Variants in PDZRN3 observed in about 807,000 individuals in gnomAD.
PDZRN3 encodes PDZ domain containing ring finger 3.
Under a neutral mutation model 85.7 loss-of-function variants are expected in PDZRN3, and 38 were observed. The ratio of observed to expected loss-of-function variants is 0.44; its 90% CI spans 0.34 to 0.58. PDZRN3 has a LOEUF of 0.58. PDZRN3 is among the 20% of genes least tolerant of loss of function. PDZRN3 has a pLI of 0.01. For synonymous variants in PDZRN3, 759 were observed against 638.0 expected (o/e 1.19, Z -2.86); for missense variants, 1,629 against 1,506.4 (o/e 1.08, Z -1.35).
chr3:73,432,698 T>C (rs1702456412), intron 3 of PDZRN3, among the ~76,000 whole-genome samples: 1 of 152,196 alleles, frequency 6.6e-6, no homozygotes, highest in Non-Finnish European at 1.5e-5. Flanking sequence ...CTTTAAAAAA[T>C]ATATTAATAT....
At chr3:73,454,976 AT>A (rs927618371) in intron 3 of PDZRN3, among the ~76,000 whole-genome samples, 15 of 151,998 alleles carry the variant, frequency 9.9e-5, no homozygotes, top group African/African-American at 3.1e-4. Flanking sequence ...ATCTTGACTA[AT>A]TTCTCCTGGA....
intron 7 of PDZRN3, 39 bp from the exon 8 acceptor site, chr3:73,388,108 C>G (rs768986783): frequency 1.0e-6 from 1 of 967,780 alleles, no homozygotes; most frequent in South Asian, 1.5e-5. Flanking sequence ...AGTGGGGAGA[C>G]AAATAGCATG....
chr3:73,423,201 A>G (rs1451500283), intron 3 of PDZRN3, among the ~76,000 whole-genome samples: 1 of 152,238 alleles, frequency 6.6e-6, no homozygotes, highest in Non-Finnish European at 1.5e-5. Flanking sequence ...CTCTGTTTTG[A>G]GACTCCCAAA....
rs1420044369 is a variant in PDZRN3 at position 73,384,005 on chromosome 3, T to C, written c.2561A>G (p.Lys854Arg). Residue 854 changes from lysine (K) to arginine (R), a missense_variant, in exon 10 of 10, where the codon AAG becomes AGG. By Grantham distance (26) the Lys-to-Arg change is conservative (BLOSUM62 2). Transcript: ENST00000263666. The part of the protein sequence containing the change: ...DGSRSPTPSQ[K>R]LGSAYLPSYH... ...GGAGGGCAGGTAGGCGCTGCCCAGCTTCTGGCTGGGCGTGGGGCTCCGGCT... is the reference window on the plus strand; with the variant it reads ...GGAGGGCAGGTAGGCGCTGCCCAGCCTCTGGCTGGGCGTGGGGCTCCGGCT... 22 of 1,590,142 alleles carry C rather than the reference T, an allele frequency of 1.4e-5. No homozygotes were observed. The highest frequency in any genetic ancestry group is 1.8e-5 in the Non-Finnish European group (21 of 1,170,120).
chr3:73,610,212 C>G lies in PDZRN3; in HGVS notation c.724-1528G>C, dbSNP rs143757021. ...AGAACTAGGTGTCCTATAAGGACAACACAGCATTCATTTCTTAAGAGTCAC... is the reference window on the plus strand; with the variant it reads ...AGAACTAGGTGTCCTATAAGGACAAGACAGCATTCATTTCTTAAGAGTCAC... On this transcript the variant is annotated intron_variant, in intron 1 of 9. Coordinates refer to ENST00000263666, the MANE Select transcript of PDZRN3 (RefSeq NM_015009.3). 5.0e-3 allele frequency among the ~76,000 whole-genome samples: 761 copies of G among 152,240 alleles called. 5 individuals carry two copies. The highest frequency in any genetic ancestry group is 7.5e-3 in the Non-Finnish European group (508 of 67,998).
intron 3 of PDZRN3, among the ~76,000 whole-genome samples, chr3:73,599,466 G>T (rs1355386259): frequency 6.6e-6 from 1 of 152,194 alleles, no homozygotes; most frequent in Non-Finnish European, 1.5e-5. Context: ...TAGAGTTTCA[G>T]TCGAGGAAGA....
chr3:73,610,349 T>C (rs1438053161), intron 1 of PDZRN3, among the ~76,000 whole-genome samples: 3 of 152,190 alleles, frequency 2.0e-5, no homozygotes, highest in African/African-American at 7.2e-5. Context: ...CTATTGGTTT[T>C]TAAAAAATGT....
chr3:73,540,125 C>T (rs1372822588), intron 3 of PDZRN3, among the ~76,000 whole-genome samples: 1 of 131,578 alleles, frequency 7.6e-6, no homozygotes. Context: ...TTCTCAAGAG[C>T]TAACAAAGCA....
At chr3:73,516,782 G>A (rs960706293) in intron 3 of PDZRN3, among the ~76,000 whole-genome samples, 3 of 152,062 alleles carry the variant, frequency 2.0e-5, no homozygotes, top group Admixed American at 1.3e-4. Context: ...TCCAGAAAAC[G>A]TTTACACTTG....
chr3:73,563,277 C>T (rs1459408926), intron 3 of PDZRN3, among the ~76,000 whole-genome samples: 1 of 150,958 alleles, frequency 6.6e-6, no homozygotes, highest in South Asian at 2.1e-4. Flanking sequence ...CCTCGTGATC[C>T]GCCCGCCTCG....
chr3:73,602,232 A>T (rs6809923), intron 3 of PDZRN3, 122 bp downstream of exon 3: 349,002 of 640,050 alleles, frequency 0.55, 98,451 homozygotes, highest in East Asian at 0.64. Flanking sequence ...GGGAAAAGTG[A>T]GACTCCCGCT....
At chr3:73,385,912 A>C in intron 8 of PDZRN3, 127 bp from the exon 9 acceptor site, 1 of 638,900 alleles carries the variant, frequency 1.6e-6, no homozygotes, top group South Asian at 1.9e-5. Flanking sequence ...ATCAAAATGC[A>C]GTCTGCCCAA....
intron 3 of PDZRN3, among the ~76,000 whole-genome samples, chr3:73,561,775 C>T (rs1701821427): frequency 6.6e-6 from 1 of 152,030 alleles, no homozygotes; most frequent in Admixed American, 6.6e-5. Context: ...CGTGTTTGGG[C>T]CAGAACTCCT....
intron 3 of PDZRN3, among the ~76,000 whole-genome samples, chr3:73,553,928 A>T (rs1050881128): frequency 6.6e-6 from 1 of 152,248 alleles, no homozygotes; most frequent in Non-Finnish European, 1.5e-5. Flanking sequence ...AACGGGCATA[A>T]GGACTCATGG....
rs187243130 is a variant in PDZRN3, at chr3:73,548,937, A to G, written c.918+53417T>C. Among the ~76,000 whole-genome samples the G allele has an allele frequency of 1.8e-3, 274 of 152,356 alleles. 5 individuals carry two copies. The highest frequency in any genetic ancestry group is 6.3e-3 in the African/African-American group (264 of 41,576). ...AAGAACTTTAAAACAGCTGGAAAAG[A>G]GAGAAAATGGTGCAGAAAATGGCAC... On this transcript the variant is annotated intron_variant, in intron 3 of 9. Coordinates refer to ENST00000263666, the MANE Select transcript of PDZRN3 (RefSeq NM_015009.3).
intron 3 of PDZRN3, among the ~76,000 whole-genome samples, chr3:73,579,737 T>G (rs1047031752): frequency 6.6e-6 from 1 of 152,166 alleles, no homozygotes; most frequent in African/African-American, 2.4e-5. Context: ...CTGACTGTAA[T>G]AAGGGTGCAA....
At chr3:73,458,572 G>A (rs1462086932) in intron 3 of PDZRN3, among the ~76,000 whole-genome samples, 2 of 148,130 alleles carry the variant, frequency 1.4e-5, no homozygotes, top group Non-Finnish European at 3.0e-5. Flanking sequence ...ACAATGCTAG[G>A]AAACTGACCT....
In PDZRN3 at chr3:73,384,397, G is replaced by T; in HGVS notation, c.2169C>A (p.Asn723Lys). ...TGGTGTTGTAGTTGCGGAAGCCGCT[G>T]TTGTGCAGCATCCAGGACTCGCGGT... ...EQYRESWMLH[N>K]SGFRNYNTSI... is the part of the protein sequence containing the mutation. Residue 723 changes from asparagine to lysine, a missense_variant, in exon 10 of 10, where the codon AAC (asparagine) becomes AAA (lysine). Coordinates refer to ENST00000263666, the MANE Select transcript of PDZRN3 (RefSeq NM_015009.3). The T allele has an allele frequency of 1.2e-6, 2 of 1,609,684 alleles. No individual in the cohort carries two copies. The highest frequency in any genetic ancestry group is 1.7e-6 in the Non-Finnish European group (2 of 1,179,960).
At chr3:73,534,521 C>T (rs759871625) in intron 3 of PDZRN3, among the ~76,000 whole-genome samples, 2 of 152,130 alleles carry the variant, frequency 1.3e-5, no homozygotes, top group Non-Finnish European at 2.9e-5. Flanking sequence ...CAGACTCATT[C>T]CAGTAGTTTC....
Sources: gnomAD v4.1 joint callset for allele counts (sites outside exome capture counted in the v4.1 genomes callset) on GRCh38, gnomAD v4.1.1 for gene constraint, MANE v1.5 for transcripts, NCBI Gene and HGNC (gene_info 2026-07-23, HGNC 2026-07-21) for gene names.